SLC12A8: variants seen among roughly 807,000 people sequenced by gnomAD.
SLC12A8 encodes cation-chloride cotransporter 9.
A neutral mutation model predicts 75.6 loss-of-function variants in SLC12A8; 69 were observed. The observed-to-expected ratio is 0.91, with a 90% confidence interval of 0.75 to 1.11. SLC12A8 has a LOEUF of 1.11. Among genes scored for constraint, SLC12A8 ranks in the 50% most tolerant of loss-of-function variants. The pLI is 0.00. For synonymous variants in SLC12A8, 365 were observed against 372.8 expected, an observed-to-expected ratio of 0.98 and a Z score of 0.24; for missense variants, 877 against 896.7, an observed-to-expected ratio of 0.98 and a Z score of 0.28.
At chr3:125,198,664 A>G (rs1935054280) in intron 2 of SLC12A8, among the ~76,000 whole-genome samples, 1 of 152,060 alleles carries the variant, frequency 6.6e-6, no homozygotes, top group Non-Finnish European at 1.5e-5. Context: ...AATCACAACT[A>G]AGGGTCATGT....
chr3:125,107,831 T>G lies in SLC12A8; in HGVS notation c.1355A>C (p.Glu452Ala). The G allele has an allele frequency of 6.2e-7, 1 of 1,614,128 alleles. No individual in the cohort carries two copies. Among genetic ancestry groups the G allele is most frequent in the Non-Finnish European group, 8.5e-7 (1 of 1,180,020 alleles). ...GSEGPAQRVL[E>A]GTLLEFTKDM... ...CTTGGTGAATTCCAGTAGCGTGCCC[T>G]CCAAGACTCTTTGGGCAGGTCCCTC... Residue 452 changes from glutamate (E) to alanine (A), a missense_variant, in exon 10 of 14, where the codon GAG becomes GCG. Physicochemically the swap from Glu to Ala is moderately radical, Grantham distance 107. Transcript: ENST00000469902.
chr3:125,131,080 ACAT>A (rs1189081702), intron 6 of SLC12A8, among the ~76,000 whole-genome samples: 1 of 152,208 alleles, frequency 6.6e-6, no homozygotes, highest in Non-Finnish European at 1.5e-5. Flanking sequence ...AGGCTGGGAA[ACAT>A]CATCAGATGT....
At chr3:125,120,330 C>G (rs1206122557) in intron 7 of SLC12A8, among the ~76,000 whole-genome samples, 1 of 151,738 alleles carries the variant, frequency 6.6e-6, no homozygotes, top group Non-Finnish European at 1.5e-5. Flanking sequence ...GGGCGGGAGG[C>G]CGAGGAAAGG....
Position 125,088,345 on chromosome 3 carries a change from GA to G in SLC12A8, c.1946del (p.Phe649SerfsTer4). 6.2e-7 allele frequency: 1 copy of G among 1,614,150 alleles called. No individual in the cohort carries two copies. Among genetic ancestry groups the G allele is most frequent in the South Asian group, 1.1e-5 (1 of 91,078 alleles). On this transcript the variant is annotated frameshift_variant, in exon 13 of 14. Transcript: ENST00000469902. LOFTEE classifies it high-confidence loss of function. Reference protein sequence around the residue: ...HLGSASNFSFFRWMRSLLLPS... With the variant: ...HLGSASNFSFXRWMRSLLLPS... ...GGAGCAAGAGAGACCTCATCCACCGGAAAAAGCTGAAGTTGGAGGCTGATCC... is the reference window on the plus strand; with the variant it reads ...GGAGCAAGAGAGACCTCATCCACCGGAAAAGCTGAAGTTGGAGGCTGATCC...
intron 4 of SLC12A8, among the ~76,000 whole-genome samples, chr3:125,181,595 G>A (rs1358837824): frequency 1.5e-4 from 17 of 110,530 alleles, no homozygotes; most frequent in African/African-American, 4.4e-4. Context: ...GCGACAGAGC[G>A]AGACTCCGTC....
intron 6 of SLC12A8, among the ~76,000 whole-genome samples, chr3:125,127,166 CA>C (rs1933229309): frequency 6.6e-6 from 1 of 152,350 alleles, no homozygotes; most frequent in African/African-American, 2.4e-5. Context: ...TTCTGATTTC[CA>C]AACCCCATTC....
chr3:125,101,215 T>C (rs1440310494), intron 10 of SLC12A8, among the ~76,000 whole-genome samples: 1 of 152,218 alleles, frequency 6.6e-6, no homozygotes, highest in Non-Finnish European at 1.5e-5. Context: ...TTAACTTCTC[T>C]GAGCCTCAGT....
intron 2 of SLC12A8, among the ~76,000 whole-genome samples, chr3:125,197,642 G>T (rs1255551369): frequency 6.6e-6 from 1 of 152,132 alleles, no homozygotes; most frequent in Non-Finnish European, 1.5e-5. Context: ...GAGTGGACCT[G>T]GAGGCTGAGG....
At chr3:125,204,593 T>A (rs941741654) in intron 2 of SLC12A8, among the ~76,000 whole-genome samples, 3 of 152,036 alleles carry the variant, frequency 2.0e-5, no homozygotes, top group Non-Finnish European at 2.9e-5. Flanking sequence ...ATTGGGGGGA[T>A]GAAGAGAGGT....
intron 10 of SLC12A8, among the ~76,000 whole-genome samples, chr3:125,100,027 C>T (rs1466165548): frequency 6.6e-6 from 1 of 152,100 alleles, no homozygotes; most frequent in Non-Finnish European, 1.5e-5. Flanking sequence ...GTACTAGATG[C>T]TATCAACAGA....
intron 5 of SLC12A8, among the ~76,000 whole-genome samples, chr3:125,140,710 TTTTC>T (rs1362583080): frequency 6.6e-6 from 1 of 151,720 alleles, no homozygotes; most frequent in Non-Finnish European, 1.5e-5. Context: ...TTTTTTTTTC[TTTTC>T]TTTCTTTCCT....
chr3:125,204,641 G>C (rs1051458775), intron 2 of SLC12A8, among the ~76,000 whole-genome samples: 15 of 152,118 alleles, frequency 9.9e-5, no homozygotes, highest in Non-Finnish European at 1.9e-4. Flanking sequence ...GATAAAAAGA[G>C]TAAGTTCTAG....
At chr3:125,190,315 T>A (rs1481340261) in intron 3 of SLC12A8, 60 bp downstream of exon 3, 34 of 1,586,704 alleles carry the variant, frequency 2.1e-5, no homozygotes, top group Non-Finnish European at 2.8e-5. Flanking sequence ...AATGCAAGAG[T>A]GGCAGAGCTT....
chr3:125,208,791 C>CACACAGAGAGAGAGAGAGAG (rs1368605617), intron 2 of SLC12A8, among the ~76,000 whole-genome samples: 1 of 84,182 alleles, frequency 1.2e-5, no homozygotes, highest in Non-Finnish European at 2.4e-5. Flanking sequence ...CACACACACA[C>CACACAGAGAGAGAGAGAGAG]AGAGAGAGAG....
chr3:125,153,969 A>G (rs4679367), intron 5 of SLC12A8, among the ~76,000 whole-genome samples: 30,426 of 152,134 alleles, frequency 0.2, 3,227 homozygotes, highest in Non-Finnish European at 0.23. Flanking sequence ...GCTGGTCTCG[A>G]ACTCCTGACC....
At chr3:125,153,766 T>A (rs1012953202) in intron 5 of SLC12A8, among the ~76,000 whole-genome samples, 5 of 152,050 alleles carry the variant, frequency 3.3e-5, no homozygotes, top group African/African-American at 1.2e-4. Flanking sequence ...ACCAGGAGAA[T>A]CTTGTGATGC....
At chr3:125,090,256 T>TC (rs1938553195) in intron 12 of SLC12A8, among the ~76,000 whole-genome samples, 1 of 152,168 alleles carries the variant, frequency 6.6e-6, no homozygotes, top group Admixed American at 6.5e-5. Flanking sequence ...TTCTAATTAT[T>TC]CCCCCTCTGG....
chr3:125,123,045 G>A (rs1281460290), intron 6 of SLC12A8, among the ~76,000 whole-genome samples: 1 of 151,950 alleles, frequency 6.6e-6, no homozygotes, highest in Non-Finnish European at 1.5e-5. Context: ...GGTGGTTCAT[G>A]CCTGTAATCC....
chr3:125,142,622 T>G (rs912167663), intron 5 of SLC12A8, among the ~76,000 whole-genome samples: 2 of 152,212 alleles, frequency 1.3e-5, no homozygotes, highest in Admixed American at 6.5e-5. Flanking sequence ...TGTGGGACTG[T>G]AAACAAGCCC....
Sources: gnomAD v4.1 joint callset for allele counts (sites outside exome capture counted in the v4.1 genomes callset) on GRCh38, gnomAD v4.1.1 for gene constraint, MANE v1.5 for transcripts, NCBI Gene and HGNC (gene_info 2026-07-23, HGNC 2026-07-21) for gene names.